The following BCAS1 variants were observed in gnomAD, a reference collection of about 807,000 sequenced individuals.
BCAS1 encodes the protein brain enriched myelin associated protein 1.
A neutral mutation model predicts 65.4 loss-of-function variants in BCAS1; 46 were observed. The observed-to-expected ratio is 0.70, with a 90% CI of 0.55 to 0.90. The LOEUF (loss-of-function observed/expected upper bound fraction) is 0.90. BCAS1 is among the 40% of genes least tolerant of loss of function. The probability of loss-of-function intolerance (pLI) is 0.00; values close to 1 mark genes in which losing one functional copy is unlikely to be tolerated. For synonymous variants in BCAS1, 298 were observed against 293.5 expected (o/e 1.02, Z -0.16); for missense variants, 793 against 771.2 (o/e 1.03, Z -0.33).
In BCAS1 at chr20:53,953,591, G is replaced by A. The variant is rs541515385; in HGVS notation, c.1656C>T (p.Ala552=). The A allele has an allele frequency of 8.7e-6, 14 of 1,613,656 alleles. No individual in the cohort carries two copies. Among genetic ancestry groups the A allele is most frequent in the East Asian group, 6.7e-5 (3 of 44,854 alleles). The change falls in exon 12 of 13, where the codon GCC becomes GCT. Residue 552 remains alanine (A), a synonymous_variant. Coordinates refer to ENST00000688948, the MANE Select transcript of BCAS1 (RefSeq NM_001366298.2). ...TGTTGCTCTTCTGCTTGTTCATCTC[G>A]GCTGCTGACTTCTTGTCCTTCGAGG... The part of the protein sequence containing the change: ...EGSSKDKKSA[A]EMNKQKSNKQ...
intron 1 of BCAS1, among the ~76,000 whole-genome samples, chr20:54,062,844 T>C (rs1418939116): frequency 1.3e-5 from 2 of 152,244 alleles, no homozygotes; most frequent in South Asian, 2.1e-4. Flanking sequence ...CCAGCAGATA[T>C]AATGCATGTG....
At chr20:53,947,246 C>T (rs1026073864) in intron 12 of BCAS1, among the ~76,000 whole-genome samples, 11 of 152,104 alleles carry the variant, frequency 7.2e-5, no homozygotes, top group Admixed American at 7.2e-4. Context: ...TTAGTATATG[C>T]AATGTACTTT....
intron 3 of BCAS1, among the ~76,000 whole-genome samples, chr20:54,031,182 G>T (rs2091791877): frequency 4.6e-5 from 7 of 151,440 alleles, no homozygotes; most frequent in Admixed American, 4.6e-4. Context: ...TATAGCCAGA[G>T]AAAAAGTCTT....
intron 8 of BCAS1, among the ~76,000 whole-genome samples, chr20:53,983,810 T>C (rs985591169): frequency 3.3e-5 from 5 of 152,178 alleles, no homozygotes; most frequent in Non-Finnish European, 2.9e-5. Flanking sequence ...CACCCACTTC[T>C]CCTTCCTTCT....
chr20:53,978,233 G>A (rs1454179285), intron 8 of BCAS1, among the ~76,000 whole-genome samples: 1 of 151,926 alleles, frequency 6.6e-6, no homozygotes, highest in Non-Finnish European at 1.5e-5. Flanking sequence ...ATCATTCTCA[G>A]TCAACTATCG....
At chr20:53,987,488 C>G (rs1327961455) in intron 7 of BCAS1, among the ~76,000 whole-genome samples, 2 of 152,178 alleles carry the variant, frequency 1.3e-5, no homozygotes, top group Non-Finnish European at 2.9e-5. Context: ...TACCCCTCCT[C>G]CTAACACACA....
chr20:54,028,628 C>T lies in BCAS1; in HGVS notation c.487G>A (p.Val163Ile), dbSNP rs61754122. ...GTGGGATCCCTGGCGGCAGAGAGGA[C>T]CTTGTCTTGGGCCGGGGCGTGCCCT... ...TPGHAPAQDK[V>I]LSAARDPTLL... The change falls in exon 4 of 13, where the codon GTC becomes ATC. Residue 163 changes from valine (V) to isoleucine (I), a missense_variant. Transcript: ENST00000688948. The T allele has an allele frequency of 1.2e-6, 2 of 1,614,164 alleles. No individual in the cohort carries two copies. Among genetic ancestry groups the T allele is most frequent in the East Asian group, 4.5e-5 (2 of 44,888 alleles).
At chr20:53,970,424 A>G (rs780098879) in intron 9 of BCAS1, among the ~76,000 whole-genome samples, 44 of 152,236 alleles carry the variant, frequency 2.9e-4, no homozygotes, top group Non-Finnish European at 5.6e-4. Flanking sequence ...TCTGATTTGC[A>G]TATACAGACA....
chr20:54,028,159 C>T (rs2091716587), intron 4 of BCAS1, among the ~76,000 whole-genome samples: 1 of 152,230 alleles, frequency 6.6e-6, no homozygotes. Context: ...CTCACCTCCT[C>T]TTTTCTTTTA....
chr20:54,010,907 A>C (rs1409853383), intron 4 of BCAS1, among the ~76,000 whole-genome samples: 1 of 152,206 alleles, frequency 6.6e-6, no homozygotes, highest in African/African-American at 2.4e-5. Flanking sequence ...AATGGAATAG[A>C]GAAGCCAGAA....
chr20:53,959,221 G>T (rs1387581191), intron 10 of BCAS1, among the ~76,000 whole-genome samples: 1 of 151,888 alleles, frequency 6.6e-6, no homozygotes, highest in Non-Finnish European at 1.5e-5. Flanking sequence ...CTCCCAGATA[G>T]ATAGGACTAC....
In BCAS1 at chr20:53,944,650, A is replaced by G; in HGVS notation, c.*272T>C. ...TCACTTAACCCGAACACATTCCTCTATTCCCTCCCTTTCCTGCTTGGTGAT... is the reference window on the plus strand; with the variant it reads ...TCACTTAACCCGAACACATTCCTCTGTTCCCTCCCTTTCCTGCTTGGTGAT... On this transcript the variant is annotated 3_prime_UTR_variant, in exon 13 of 13. Transcript: ENST00000688948. 1 of 417,272 alleles carries G rather than the reference A, an allele frequency of 2.4e-6. No individual in the cohort carries two copies. The highest frequency in any genetic ancestry group is 4.7e-5 in the East Asian group (1 of 21,308). The allele number at this position is 417,272 out of a possible 1,614,324, so 25.8% of individuals were successfully genotyped here.
chr20:53,988,586 T>C (rs1450418291), intron 7 of BCAS1, among the ~76,000 whole-genome samples: 3 of 152,244 alleles, frequency 2.0e-5, no homozygotes, highest in Non-Finnish European at 2.9e-5. Flanking sequence ...GTATACAAAG[T>C]GCAATGATTA....
chr20:54,046,674 G>C (rs1361312086), intron 3 of BCAS1, among the ~76,000 whole-genome samples: 1 of 151,458 alleles, frequency 6.6e-6, no homozygotes. Flanking sequence ...GTGAAAACCA[G>C]TCTGTACTAA....
At chr20:54,059,028 G>A (rs533700660) in intron 1 of BCAS1, among the ~76,000 whole-genome samples, 9 of 152,236 alleles carry the variant, frequency 5.9e-5, no homozygotes, top group East Asian at 3.9e-4. Context: ...AGTGCGAGCT[G>A]GGGAAATGCC....
At chr20:53,983,677 A>G (rs533190087) in intron 8 of BCAS1, among the ~76,000 whole-genome samples, 17 of 152,330 alleles carry the variant, frequency 1.1e-4, no homozygotes, top group African/African-American at 4.1e-4. Context: ...TGGGCACGAC[A>G]GGAGTACTGG....
chr20:54,059,257 C>T (rs1421094783), intron 1 of BCAS1, among the ~76,000 whole-genome samples: 1 of 152,142 alleles, frequency 6.6e-6, no homozygotes. Flanking sequence ...ATTTTGGACT[C>T]ATGTATTCAA....
Position 54,045,294 on chromosome 20 carries a change from C to T in BCAS1, c.142+12791G>A, listed in dbSNP as rs7344321. On this transcript the variant is annotated intron_variant, in intron 3 of 12. Coordinates refer to ENST00000688948, the MANE Select transcript of BCAS1 (RefSeq NM_001366298.2). ...AGAAAAATAAGAAAAAAACTGAATGCCCAAAATTAGCATAATGGCTGAATG... is the reference window on the plus strand; with the variant it reads ...AGAAAAATAAGAAAAAAACTGAATGTCCAAAATTAGCATAATGGCTGAATG... 2.7e-3 allele frequency among the ~76,000 whole-genome samples: 409 copies of T among 151,672 alleles called. 1 individual carries two copies. The highest frequency in any genetic ancestry group is 9.5e-3 in the African/African-American group (393 of 41,314).
At position 54,041,908 on chromosome 20, in the gene BCAS1, C is replaced by CAAAAAAA. The variant is rs1391284796; in HGVS notation, c.143-12937_143-12936insTTTTTTT. 4.7e-3 allele frequency among the ~76,000 whole-genome samples: 318 copies of CAAAAAAA among 67,224 alleles called. 47 individuals carry two copies. The highest frequency in any genetic ancestry group is 6.3e-3 in the Non-Finnish European group (219 of 34,588). 44.1% of individuals were successfully genotyped at this position (67,224 alleles called of 152,430 possible). On this transcript the variant is annotated intron_variant, in intron 3 of 12. Coordinates refer to ENST00000688948, the MANE Select transcript of BCAS1 (RefSeq NM_001366298.2). ...AGTTCAGAGTGAGACTCTGTCTCCC[C>CAAAAAAA]CAAAAAAAAAAAAAAAAAAAAAAGA...
Sources: allele counts gnomAD v4.1 joint callset (sites outside exome capture counted in the v4.1 genomes callset), GRCh38; gene constraint gnomAD v4.1.1; transcripts MANE v1.5; gene names NCBI Gene and HGNC (gene_info 2026-07-23, HGNC 2026-07-21).